PITPNM2: variants seen among roughly 807,000 people sequenced by gnomAD.
The protein encoded by PITPNM2 is phosphatidylinositol transfer protein membrane associated 2.
Under a neutral mutation model 132.2 loss-of-function variants are expected in PITPNM2, and 35 were observed. That is an observed-to-expected ratio of 0.26 (90% CI 0.20 to 0.35). PITPNM2 has a LOEUF of 0.35. PITPNM2 is among the 10% of genes least tolerant of loss of function. The probability of loss-of-function intolerance (pLI) is 1.00; values close to 1 mark genes in which losing one functional copy is unlikely to be tolerated. For missense variants in PITPNM2, 1,332 were observed against 1,912.0 expected (o/e 0.70, Z 5.66); for synonymous variants, 738 against 799.2 (o/e 0.92, Z 1.29).
At position 122,994,991 on chromosome 12, in the gene PITPNM2, A is replaced by C; in HGVS notation, c.2055-12T>G. On this transcript the variant is annotated splice_polypyrimidine_tract_variant and intron_variant, in intron 14 of 25. Transcript: ENST00000320201. The surrounding 1 kb of genome is among the most constrained non-coding windows in gnomAD (Gnocchi z 5.4). ...CGCTGGCATGGAGGCTGCAGACCCA[A>C]ATAAGACTTAGCTGTCATGTGGGTG... 2 of 1,590,862 alleles carry C rather than the reference A, an allele frequency of 1.3e-6. No individual in the cohort carries two copies. Among genetic ancestry groups the C allele is most frequent in the Non-Finnish European group, 1.7e-6 (2 of 1,170,348 alleles).
intron 2 of PITPNM2, among the ~76,000 whole-genome samples, chr12:123,068,268 A>G (rs4759403): frequency 2.6e-5 from 4 of 151,642 alleles, no homozygotes; most frequent in Non-Finnish European, 4.4e-5. Context: ...GAGATCGAGA[A>G]CATCCTGGCT....
At chr12:123,007,450 C>A (rs1282220304) in intron 6 of PITPNM2, 1 of 455,690 alleles carries the variant, frequency 2.2e-6, no homozygotes, top group Admixed American at 2.4e-5. Context: ...AATCTCAGGG[C>A]ATGTACCCCC....
Position 123,136,695 on chromosome 12 carries a change from A to T in PITPNM2, c.-200+14058T>A, listed in dbSNP as rs573142563. ...GGTGGATCACGAGGTCAGGAGATTG[A>T]CACCATCCTGGCTAATGCAGTGAAA... On this transcript the variant is annotated intron_variant, in intron 1 of 25. Transcript: ENST00000320201. 1.1e-4 allele frequency among the ~76,000 whole-genome samples: 16 copies of T among 152,136 alleles called. No individual in the cohort carries two copies. The South Asian group carries it at 2.5e-3, about 24-fold the overall frequency.
At chr12:123,051,704 T>A (rs1373382167) in intron 2 of PITPNM2, among the ~76,000 whole-genome samples, 3 of 152,214 alleles carry the variant, frequency 2.0e-5, no homozygotes, top group African/African-American at 7.2e-5. Context: ...TATTTTTGAC[T>A]AAGAACTGCT....
rs1325440571 is a variant in PITPNM2 at position 123,078,369 on chromosome 12, C to A, written c.-96+32016G>T. Among the ~76,000 whole-genome samples, 5 of 152,156 alleles carry A rather than the reference C, an allele frequency of 3.3e-5. No homozygotes were observed. The highest frequency in any genetic ancestry group is 4.8e-5 in the African/African-American group (2 of 41,438). ...CAAAAGCAGCAGCTGGTGGCCACCA[C>A]CATGCCAAGGAAAAGGGAGGAGATG... On this transcript the variant is annotated intron_variant, in intron 2 of 25. Transcript: ENST00000320201. This position sits in a 1 kb window ranked among gnomAD's most constrained non-coding sequence, Gnocchi z 7.3.
rs1184835332 is a variant in PITPNM2 at position 123,034,701 on chromosome 12, G to A, written c.-95-16C>T. On this transcript the variant is annotated splice_polypyrimidine_tract_variant and intron_variant, in intron 2 of 25. Transcript: ENST00000320201. The stretch of plus-strand genomic sequence containing the variant: ...CCAAGGACCCCTGGGAGACAGAGAG[G>A]ACAGAACAGAACAGTCACTTTCTGC... The A allele has an allele frequency of 2.3e-6, 2 of 888,222 alleles. No homozygotes were observed. Among genetic ancestry groups the A allele is most frequent in the Middle Eastern group, 2.3e-4 (1 of 4,386 alleles). The allele number at this position is 888,222 out of a possible 1,614,324, so 55.0% of individuals were successfully genotyped here. A position where few individuals can be genotyped will look rare whatever the true frequency, so the allele number is the denominator to read the frequency against.
chr12:123,006,322 T>C (rs553339878), intron 6 of PITPNM2, among the ~76,000 whole-genome samples: 4 of 152,068 alleles, frequency 2.6e-5, no homozygotes, highest in Admixed American at 6.6e-5. Flanking sequence ...GAATATATTA[T>C]GCACGTGAGA....
At chr12:123,012,767 G>C in intron 4 of PITPNM2, 33 bp from the exon 5 acceptor site, 1 of 1,610,254 alleles carries the variant, frequency 6.2e-7, no homozygotes. Flanking sequence ...ATCAGGACCT[G>C]TCCTTGGAGA....
Position 123,064,002 on chromosome 12 carries a change from G to A in PITPNM2, c.-95-29317C>T, listed in dbSNP as rs1451373680. On this transcript the variant is annotated intron_variant, in intron 2 of 25. Coordinates refer to ENST00000320201, the MANE Select transcript of PITPNM2 (RefSeq NM_020845.3). This position sits in a 1 kb window ranked among gnomAD's most constrained non-coding sequence, Gnocchi z 4.0. ...CAACACCCAAGCAACAGCAGCAGCC[G>A]CTATTATTACTATAATGATGATGGT... 2.0e-5 allele frequency among the ~76,000 whole-genome samples: 3 copies of A among 151,862 alleles called. No homozygotes were observed. The highest frequency in any genetic ancestry group is 2.4e-5 in the African/African-American group (1 of 41,314).
intron 10 of PITPNM2, among the ~76,000 whole-genome samples, chr12:122,999,514 C>T (rs139624263): frequency 2.0e-5 from 3 of 152,262 alleles, no homozygotes; most frequent in African/African-American, 4.8e-5. Context: ...TGACATCCAG[C>T]GGTACTTTGT....
chr12:123,025,652 G>A (rs572532973), intron 3 of PITPNM2, among the ~76,000 whole-genome samples: 7 of 152,062 alleles, frequency 4.6e-5, no homozygotes, highest in East Asian at 1.9e-4. Context: ...GGCTGGTCTC[G>A]AACTCCCAAC....
In PITPNM2 at chr12:123,099,370, A is replaced by G. The variant is rs531997778; in HGVS notation, c.-96+11015T>C. ...TCCTCGGAGAACACCCAGCACAGCA[A>G]GATTGGGAAGCTACTGTTCTGCCAG... On this transcript the variant is annotated intron_variant, in intron 2 of 25. Transcript: ENST00000320201. This position sits in a 1 kb window ranked among gnomAD's most constrained non-coding sequence, Gnocchi z 4.2. 1.9e-4 allele frequency among the ~76,000 whole-genome samples: 29 copies of G among 152,322 alleles called. No individual in the cohort carries two copies. Among genetic ancestry groups the G allele is most frequent in the Non-Finnish European group, 2.6e-4 (18 of 68,022 alleles).
chr12:123,055,127 T>A (rs1203421738), intron 2 of PITPNM2, among the ~76,000 whole-genome samples: 1 of 152,216 alleles, frequency 6.6e-6, no homozygotes, highest in Non-Finnish European at 1.5e-5. Flanking sequence ...AAAAAATGGT[T>A]GAAAACTCCA....
chr12:123,151,697 G>A (rs2043762588), upstream of PITPNM2, among the ~76,000 whole-genome samples: 1 of 152,154 alleles, frequency 6.6e-6, no homozygotes, highest in Non-Finnish European at 1.5e-5. Flanking sequence ...TGGCACGACA[G>A]GGCTCTCCAA....
intron 17 of PITPNM2, 74 bp downstream of exon 17, chr12:122,990,471 A>C: frequency 6.4e-7 from 1 of 1,568,038 alleles, no homozygotes; most frequent in East Asian, 2.3e-5. Flanking sequence ...GCTCCTAGAC[A>C]TGGCCAGCAG....
At position 123,079,350 on chromosome 12, in the gene PITPNM2, C is replaced by CTTTTTTTTTTTTTTTTTTTTTTT. The variant is rs139205213; in HGVS notation, c.-96+31012_-96+31034dup. Among the ~76,000 whole-genome samples, 59 of 53,800 alleles carry CTTTTTTTTTTTTTTTTTTTTTTT rather than the reference C, an allele frequency of 1.1e-3. 1 individual carries two copies. The highest frequency in any genetic ancestry group is 1.8e-3 in the South Asian group (2 of 1,082). 35.3% of individuals were successfully genotyped at this position (53,800 alleles called of 152,430 possible). A position where few individuals can be genotyped will look rare whatever the true frequency, so the allele number is the denominator to read the frequency against. On this transcript the variant is annotated intron_variant, in intron 2 of 25. Transcript: ENST00000320201. Reference sequence around the variant, plus strand: ...TTCACTTCTTTTTCTTTTTTCTTTTCTTTTTTTTTTTTTTTTTTTTTTTTT... The same window carrying CTTTTTTTTTTTTTTTTTTTTTTT: ...TTCACTTCTTTTTCTTTTTTCTTTTCTTTTTTTTTTTTTTTTTTTTTTTTTTTTTTTTTTTTTTTTTTTTTTTT...
chr12:122,993,146 A>C lies in PITPNM2; in HGVS notation c.2234-477T>G, dbSNP rs985989923. On this transcript the variant is annotated intron_variant, in intron 15 of 25. Transcript: ENST00000320201. This position sits in a 1 kb window ranked among gnomAD's most constrained non-coding sequence, Gnocchi z 5.2. ...CTGACCTCTAATTTTTTTTCATTGC[A>C]AAAGTTATAATGATTGTGGTAAAAG... Among the ~76,000 whole-genome samples, 2 of 152,040 alleles carry C rather than the reference A, an allele frequency of 1.3e-5. No homozygotes were observed. Among genetic ancestry groups the C allele is most frequent in the Non-Finnish European group, 2.9e-5 (2 of 67,996 alleles).
At chr12:123,007,318 T>C in intron 6 of PITPNM2, 1 of 456,218 alleles carries the variant, frequency 2.2e-6, no homozygotes, top group South Asian at 1.5e-5. Context: ...TTCCTTTTCC[T>C]GCCAATGGGC....
In PITPNM2 at chr12:122,999,558, C is replaced by T. The variant is rs564399101; in HGVS notation, c.1224+1220G>A. Among the ~76,000 whole-genome samples, 6 of 152,252 alleles carry T rather than the reference C, an allele frequency of 3.9e-5. No individual in the cohort carries two copies. The East Asian group carries it at 9.6e-4, about 24-fold the overall frequency. On this transcript the variant is annotated intron_variant, in intron 10 of 25. Coordinates refer to ENST00000320201, the MANE Select transcript of PITPNM2 (RefSeq NM_020845.3). Reference sequence around the variant, plus strand: ...GATGAGAAGGGCTTGGCACTGGGGGCTGAGAGAATCCTGCATAGGCCTGTC... The same window carrying T: ...GATGAGAAGGGCTTGGCACTGGGGGTTGAGAGAATCCTGCATAGGCCTGTC...
Sources: allele counts gnomAD v4.1 joint callset (sites outside exome capture counted in the v4.1 genomes callset), GRCh38; gene constraint gnomAD v4.1.1; non-coding constraint Gnocchi (gnomAD v3.1); transcripts MANE v1.5; gene names NCBI Gene and HGNC (gene_info 2026-07-23, HGNC 2026-07-21).